The following AP3B1 variants were observed in gnomAD, a reference collection of about 807,000 sequenced individuals.
AP3B1 encodes AP-3 complex subunit beta-1.
Under a neutral mutation model 132.5 loss-of-function variants are expected in AP3B1, and 61 were observed. The observed-to-expected ratio is 0.46, with a 90% CI of 0.37 to 0.57. The LOEUF is 0.57. AP3B1 is among the 20% of genes least tolerant of loss of function. The probability of loss-of-function intolerance (pLI) is 0.00; values close to 1 mark genes in which losing one functional copy is unlikely to be tolerated. For missense variants in AP3B1, 1,120 were observed against 1,289.4 expected, an observed-to-expected ratio of 0.87 and a Z score of 2.01; for synonymous variants, 388 against 438.3, an observed-to-expected ratio of 0.89 and a Z score of 1.43.
chr5:78,012,042 T>C (rs965699934), intron 26 of AP3B1, among the ~76,000 whole-genome samples: 1 of 151,994 alleles, frequency 6.6e-6, no homozygotes, highest in Non-Finnish European at 1.5e-5. Context: ...TGATTACCAT[T>C]AATAAATATT....
intron 2 of AP3B1, 41 bp downstream of exon 2, chr5:78,267,479 T>C: frequency 8.6e-7 from 1 of 1,164,910 alleles, no homozygotes; most frequent in Non-Finnish European, 1.3e-6. Context: ...TCACTGCTTG[T>C]CCATTTTTCC....
intron 1 of AP3B1, among the ~76,000 whole-genome samples, chr5:78,273,962 C>T (rs886640231): frequency 4.8e-5 from 7 of 146,666 alleles, no homozygotes; most frequent in Non-Finnish European, 1.0e-4. Flanking sequence ...AAATACCTAG[C>T]ATCTGATCAA....
At chr5:78,285,745 A>T (rs1216570858) in intron 1 of AP3B1, among the ~76,000 whole-genome samples, 1 of 152,168 alleles carries the variant, frequency 6.6e-6, no homozygotes, top group African/African-American at 2.4e-5. Flanking sequence ...GTAGGCAAAA[A>T]ACTTTGTATC....
intron 13 of AP3B1, among the ~76,000 whole-genome samples, chr5:78,161,646 TA>T (rs1443601808): frequency 1.3e-5 from 2 of 151,638 alleles, no homozygotes; most frequent in Admixed American, 6.6e-5. Context: ...TTTGTAGAGA[TA>T]AAAAAAAATT....
chr5:78,245,216 G>A (rs972440636), intron 2 of AP3B1, among the ~76,000 whole-genome samples: 3 of 152,174 alleles, frequency 2.0e-5, no homozygotes, highest in Non-Finnish European at 2.9e-5. Context: ...AGAAGCAGAC[G>A]TTCAGGGCGA....
intron 21 of AP3B1, among the ~76,000 whole-genome samples, chr5:78,096,927 G>A (rs1248346502): frequency 1.4e-5 from 2 of 146,072 alleles, no homozygotes; most frequent in Non-Finnish European, 3.1e-5. Context: ...CTGTCCGGGA[G>A]GTGAGGGGCG....
At chr5:78,008,835 C>A (rs551112698) in intron 26 of AP3B1, among the ~76,000 whole-genome samples, 1 of 152,128 alleles carries the variant, frequency 6.6e-6, no homozygotes, top group African/African-American at 2.4e-5. Flanking sequence ...TCCAAAATTA[C>A]CCAGAATTCA....
At chr5:78,162,752 C>A in intron 13 of AP3B1, 67 bp downstream of exon 13, 1 of 1,569,892 alleles carries the variant, frequency 6.4e-7, no homozygotes, top group Non-Finnish European at 8.7e-7. Context: ...AAGGTTACAA[C>A]TTGGAAATAA....
At chr5:78,135,990 T>C (rs1442067188) in intron 15 of AP3B1, among the ~76,000 whole-genome samples, 3 of 145,674 alleles carry the variant, frequency 2.1e-5, no homozygotes, top group South Asian at 2.1e-4. Context: ...TTGATACTTA[T>C]TTCTAACCAT....
At chr5:78,282,287 A>G (rs1396022925) in intron 1 of AP3B1, among the ~76,000 whole-genome samples, 1 of 152,132 alleles carries the variant, frequency 6.6e-6, no homozygotes, top group East Asian at 1.9e-4. Context: ...AAACATACAT[A>G]AGCCTGCCTT....
At position 78,225,624 on chromosome 5, in the gene AP3B1, A is replaced by G; in HGVS notation, c.537-16T>C. ...TGGATCAAGGCTAAAAAATACAAAA[A>G]TAACATATTAATTTTTCCCTTTAAT... On this transcript the variant is annotated splice_polypyrimidine_tract_variant and intron_variant, in intron 5 of 26. Coordinates refer to ENST00000255194, the MANE Select transcript of AP3B1 (RefSeq NM_003664.5). The G allele has an allele frequency of 6.8e-7, 1 of 1,476,096 alleles. No homozygotes were observed. The highest frequency in any genetic ancestry group is 9.4e-7 in the Non-Finnish European group (1 of 1,059,178). 91.4% of individuals were successfully genotyped at this position (1,476,096 alleles called of 1,614,324 possible). A position where few individuals can be genotyped will look rare whatever the true frequency, so the allele number is the denominator to read the frequency against.
rs1248438236 is a variant in AP3B1, at chr5:78,181,607, T to C, written c.842A>G (p.Lys281Arg). The change falls in exon 8 of 27, where the codon AAG becomes AGG. Residue 281 changes from lysine to arginine, a missense_variant. Transcript: ENST00000255194. Reference sequence around the variant, plus strand: ...CTTCTTCTTTTTGTCAGTCTTTTCCTTCTGATCATCATCAGATTCGTAGAA... The same window carrying C: ...CTTCTTCTTTTTGTCAGTCTTTTCCCTCTGATCATCATCAGATTCGTAGAA... ...KNFYESDDDQKEKTDKKKKPY... is the reference protein window; with the variant it reads ...KNFYESDDDQREKTDKKKKPY... The C allele has an allele frequency of 1.9e-6, 3 of 1,612,178 alleles. No individual in the cohort carries two copies. Among genetic ancestry groups the C allele is most frequent in the East Asian group, 4.5e-5 (2 of 44,798 alleles).
At position 78,289,607 on chromosome 5, in the gene AP3B1, C is replaced by T. The variant is rs117964879; in HGVS notation, c.128+4845G>A. Among the ~76,000 whole-genome samples the T allele has an allele frequency of 3.5e-4, 54 of 152,300 alleles. No homozygotes were observed. In the East Asian group the frequency reaches 0.01, roughly 28 times the overall value. ...AACCCAAGGGCCTCTTTTCAGCCTTCATTCTATTTGCCCTTACTCTACAAC... is the reference window on the plus strand; with the variant it reads ...AACCCAAGGGCCTCTTTTCAGCCTTTATTCTATTTGCCCTTACTCTACAAC... On this transcript the variant is annotated intron_variant, in intron 1 of 26. Transcript: ENST00000255194.
chr5:78,275,767 C>T (rs948412114), intron 1 of AP3B1, among the ~76,000 whole-genome samples: 3 of 152,094 alleles, frequency 2.0e-5, no homozygotes, highest in Non-Finnish European at 4.4e-5. Flanking sequence ...CCACTGCCCC[C>T]GGCCATGATT....
In AP3B1 at chr5:78,211,691, T is replaced by G. The variant is rs568151623; in HGVS notation, c.786+4364A>C. On this transcript the variant is annotated intron_variant, in intron 7 of 26. Coordinates refer to ENST00000255194, the MANE Select transcript of AP3B1 (RefSeq NM_003664.5). ...ATTATGGTTGTTAGCTAATTGCATG[T>G]CTGAGCACTATGGATTGGGAGCCTC... Among the ~76,000 whole-genome samples the G allele has an allele frequency of 3.3e-5, 5 of 152,356 alleles. No homozygotes were observed. The East Asian group carries it at 9.6e-4, about 29-fold the overall frequency.
chr5:78,226,945 C>G (rs4601026), intron 5 of AP3B1, among the ~76,000 whole-genome samples: 50,692 of 151,636 alleles, frequency 0.33, 8,567 homozygotes, highest in Middle Eastern at 0.43. Flanking sequence ...ACGAAGGGAG[C>G]AGCAGGAACA....
chr5:78,084,521 CAAAAAA>C (rs568637894), intron 22 of AP3B1, among the ~76,000 whole-genome samples: 44 of 43,996 alleles, frequency 1.0e-3, no homozygotes, highest in Admixed American at 5.8e-3. Context: ...CAGACCCTGT[CAAAAAA>C]AAAAAAAAAA....
At chr5:78,213,614 T>G (rs1745842284) in intron 7 of AP3B1, among the ~76,000 whole-genome samples, 1 of 152,192 alleles carries the variant, frequency 6.6e-6, no homozygotes, top group African/African-American at 2.4e-5. Context: ...GAATAATTTT[T>G]CCTTGAATTG....
At chr5:78,053,697 A>AAAGAAAG (rs1554060861) in intron 22 of AP3B1, among the ~76,000 whole-genome samples, 5 of 142,746 alleles carry the variant, frequency 3.5e-5, no homozygotes, top group East Asian at 4.0e-4. Context: ...AAAAAAAAAA[A>AAAGAAAG]GAAAGAAAAG....
Sources: allele counts gnomAD v4.1 joint callset (sites outside exome capture counted in the v4.1 genomes callset), GRCh38; gene constraint gnomAD v4.1.1; transcripts MANE v1.5; gene names NCBI Gene and HGNC (gene_info 2026-07-23, HGNC 2026-07-21).